DYRK1A: variants seen among roughly 807,000 people sequenced by gnomAD.
The protein encoded by DYRK1A is dual specificity tyrosine-phosphorylation-regulated kinase 1A.
A neutral mutation model predicts 79.7 loss-of-function variants in DYRK1A; 9 were observed. The observed-to-expected ratio is 0.11, with a 90% CI of 0.07 to 0.20. The LOEUF is 0.20. Ranked by LOEUF, DYRK1A falls within the 10% of genes least tolerant of loss-of-function variation. The pLI, the probability that DYRK1A is intolerant of heterozygous loss-of-function variation, is 1.00. For missense variants in DYRK1A, 622 were observed against 956.0 expected (o/e 0.65, Z 4.61); for synonymous variants, 349 against 329.7 (o/e 1.06, Z -0.63).
At chr21:37,434,873 A>G (rs185771990) in intron 2 of DYRK1A, among the ~76,000 whole-genome samples, 2 of 152,334 alleles carry the variant, frequency 1.3e-5, no homozygotes, top group Admixed American at 1.3e-4. Flanking sequence ...CTAAAATGTA[A>G]TGTTTGAGAA....
intron 1 of DYRK1A, among the ~76,000 whole-genome samples, chr21:37,373,443 T>G (rs906754278): frequency 5.3e-5 from 8 of 152,218 alleles, no homozygotes; most frequent in African/African-American, 1.7e-4. Context: ...CCAGTTAGAA[T>G]GTAGATGGGC....
At chr21:37,447,664 C>CA (rs752316299) in intron 2 of DYRK1A, among the ~76,000 whole-genome samples, 16 of 152,136 alleles carry the variant, frequency 1.1e-4, no homozygotes, top group Non-Finnish European at 1.6e-4. Flanking sequence ...GCATTGTACT[C>CA]ACGGCATTAT....
intron 9 of DYRK1A, chr21:37,504,250 C>G (rs1043596869): frequency 6.6e-6 from 1 of 152,430 alleles, no homozygotes; most frequent in African/African-American, 2.4e-5. Context: ...TCAGCAGCCC[C>G]ACTCCTAACT....
chr21:37,390,654 C>T (rs919494713), intron 1 of DYRK1A, among the ~76,000 whole-genome samples: 9 of 152,060 alleles, frequency 5.9e-5, no homozygotes, highest in African/African-American at 1.7e-4. Flanking sequence ...TTGCAACCTC[C>T]GCTTCCCGTG....
chr21:37,490,823 AAGATT>A (rs1317055362), intron 7 of DYRK1A, among the ~76,000 whole-genome samples: 1 of 151,980 alleles, frequency 6.6e-6, no homozygotes, highest in Admixed American at 6.6e-5. Context: ...TGTATGCTAA[AAGATT>A]AAGGGAGAGA....
chr21:37,366,436 G>A (rs2049305899), upstream of DYRK1A, among the ~76,000 whole-genome samples: 1 of 147,262 alleles, frequency 6.8e-6, no homozygotes, highest in Non-Finnish European at 1.5e-5. Flanking sequence ...GCCGGGAGGC[G>A]GCGGGCGATC....
chr21:37,380,974 A>T (rs546069819), intron 1 of DYRK1A, among the ~76,000 whole-genome samples: 2 of 152,292 alleles, frequency 1.3e-5, no homozygotes, highest in African/African-American at 4.8e-5. Flanking sequence ...TTCGTTTTAA[A>T]AATCTCATGT....
chr21:37,505,855 T>C (rs768317024), intron 10 of DYRK1A, among the ~76,000 whole-genome samples: 21 of 152,218 alleles, frequency 1.4e-4, no homozygotes, highest in Non-Finnish European at 2.5e-4. Flanking sequence ...TTTGTCCACA[T>C]TGCTTGAGTT....
At chr21:37,381,244 T>C (rs910103820) in intron 1 of DYRK1A, among the ~76,000 whole-genome samples, 5 of 152,224 alleles carry the variant, frequency 3.3e-5, no homozygotes, top group African/African-American at 1.2e-4. Context: ...ACTAAGAGAT[T>C]AGCAGGAAAT....
intron 9 of DYRK1A, among the ~76,000 whole-genome samples, chr21:37,500,827 T>G (rs549929726): frequency 7.9e-5 from 12 of 152,006 alleles, no homozygotes; most frequent in Non-Finnish European, 2.9e-5. Context: ...ATTCCTGATA[T>G]TGGCCATTTG....
chr21:37,520,773 G>C lies in DYRK1A; in HGVS notation c.*8242G>C, dbSNP rs1303300991. 2 of 152,252 alleles carry C rather than the reference G, an allele frequency of 1.3e-5. No individual in the cohort carries two copies. Among genetic ancestry groups the C allele is most frequent in the Admixed American group, 6.5e-5 (1 of 15,296 alleles). 9.4% of individuals were successfully genotyped at this position (152,252 alleles called of 1,614,324 possible). The stretch of plus-strand genomic sequence containing the variant: ...CCCTGGCCAGTCTGGGCAGCTCTGC[G>C]CTCAGAGGCCTTTGGCACGATGGGT... On this transcript the variant is annotated 3_prime_UTR_variant, in exon 12 of 12. Transcript: ENST00000647188.
chr21:37,498,602 C>T (rs918531053), intron 9 of DYRK1A, among the ~76,000 whole-genome samples: 2 of 152,024 alleles, frequency 1.3e-5, no homozygotes, highest in African/African-American at 4.8e-5. Context: ...TGTCAGTGGT[C>T]ATTTGGTTTG....
rs1601347549 is a variant in DYRK1A at position 37,518,167 on chromosome 21, T to C, written c.*5636T>C. The C allele has an allele frequency of 6.6e-6, 1 of 152,324 alleles. No homozygotes were observed. The highest frequency in any genetic ancestry group is 2.1e-4 in the South Asian group (1 of 4,826). 9.4% of individuals were successfully genotyped at this position (152,324 alleles called of 1,614,324 possible). A position where few individuals can be genotyped will look rare whatever the true frequency, so the allele number is the denominator to read the frequency against. On this transcript the variant is annotated 3_prime_UTR_variant, in exon 12 of 12. Transcript: ENST00000647188. ...ACATAAATAGGCTGGGCGTGGTGGC[T>C]CACGTCTGTAAAGATTTAAAGCGGA...
chr21:37,506,823 T>G (rs2053611958), intron 11 of DYRK1A, among the ~76,000 whole-genome samples: 1 of 152,200 alleles, frequency 6.6e-6, no homozygotes, highest in Non-Finnish European at 1.5e-5. Context: ...TGCGTGATGG[T>G]GTTTGAAGGT....
At chr21:37,473,109 A>G (rs2052285774) in intron 3 of DYRK1A, among the ~76,000 whole-genome samples, 1 of 152,110 alleles carries the variant, frequency 6.6e-6, no homozygotes, top group Non-Finnish European at 1.5e-5. Flanking sequence ...TCATTCTGTA[A>G]TAGAAAGGGG....
At chr21:37,412,776 G>A (rs1417541129) in intron 1 of DYRK1A, among the ~76,000 whole-genome samples, 1 of 151,814 alleles carries the variant, frequency 6.6e-6, no homozygotes, top group Non-Finnish European at 1.5e-5. Context: ...AGTTCAAGTG[G>A]ATAACATGTG....
chr21:37,434,604 TC>T (rs1369593423), intron 2 of DYRK1A, among the ~76,000 whole-genome samples: 1 of 152,248 alleles, frequency 6.6e-6, no homozygotes, highest in African/African-American at 2.4e-5. Flanking sequence ...TACAGTTACA[TC>T]TTAACTGAAC....
intron 1 of DYRK1A, among the ~76,000 whole-genome samples, chr21:37,411,877 A>G (rs567805844): frequency 9.9e-5 from 15 of 152,214 alleles, no homozygotes; most frequent in Non-Finnish European, 1.9e-4. Flanking sequence ...TGAAAAACAA[A>G]TACAATCATG....
intron 5 of DYRK1A, among the ~76,000 whole-genome samples, chr21:37,484,730 G>A (rs867079422): frequency 1.3e-5 from 2 of 152,116 alleles, no homozygotes; most frequent in Admixed American, 6.5e-5. Context: ...CAGTCTTTGT[G>A]CTCATAGTTA....
Sources: allele counts gnomAD v4.1 joint callset (sites outside exome capture counted in the v4.1 genomes callset), GRCh38; gene constraint gnomAD v4.1.1; transcripts MANE v1.5; gene names NCBI Gene and HGNC (gene_info 2026-07-23, HGNC 2026-07-21).